Variants in NLRP12 observed in about 807,000 individuals in gnomAD.
NLRP12 encodes the protein NACHT, LRR and PYD domains-containing protein 12.
NLRP12 carries 108 observed loss-of-function variants against 91.2 expected under a neutral mutation model. That is an observed-to-expected ratio of 1.18 (90% CI 1.01 to 1.39). The LOEUF (loss-of-function observed/expected upper bound fraction) is 1.39, where lower values mean the gene tolerates loss of function less well. Ranked by LOEUF, NLRP12 falls within the 40% of genes most tolerant of loss-of-function variation. The pLI, the probability that NLRP12 is intolerant of heterozygous loss-of-function variation, is 0.00. For synonymous variants in NLRP12, 613 were observed against 566.7 expected (o/e 1.08, Z -1.16); for missense variants, 1,530 against 1,352.7 (o/e 1.13, Z -2.06).
At chr19:53,814,028 C>T (rs1465955835) in intron 2 of NLRP12, among the ~76,000 whole-genome samples, 5 of 152,020 alleles carry the variant, frequency 3.3e-5, no homozygotes, top group African/African-American at 4.8e-5. Context: ...ATTTCATGCT[C>T]CCCTTGAAAA....
rs1453971407 is a variant in NLRP12, at chr19:53,823,976, C to T, written c.199G>A (p.Glu67Lys). The change falls in exon 1 of 10, where the codon GAG (glutamate) becomes AAG (lysine). Residue 67 changes from glutamate (E) to lysine (K), a missense_variant. Glu to Lys is a moderately conservative substitution (Grantham distance 56). Coordinates refer to ENST00000324134, the MANE Select transcript of NLRP12 (RefSeq NM_144687.4). ...CTGAGAGCCAACCTCCAGGCCTCCT[C>T]TGGCCCGAAGTGGGTGATGAGCAGC... ...AQLLITHFGP[E>K]EAWRLALSTF... The T allele has an allele frequency of 1.2e-6, 2 of 1,614,236 alleles. No homozygotes were observed. The highest frequency in any genetic ancestry group is 8.5e-7 in the Non-Finnish European group (1 of 1,180,052).
At chr19:53,809,546 C>G in intron 3 of NLRP12, 41 bp downstream of exon 3, 1 of 1,030,172 alleles carries the variant, frequency 9.7e-7, no homozygotes. Context: ...AAAAAACACA[C>G]GAACCTAAGC....
chr19:53,798,307 C>G lies in NLRP12; in HGVS notation c.2863G>C (p.Asp955His). ...ELDLSFNDLG[D>H]WGLWLLAEGL... ...TCAGCCAGCAACCACAGGCCCCAGTCTCCCAGGTCGTTGAAACTCAAGTCC... is the reference window on the plus strand; with the variant it reads ...TCAGCCAGCAACCACAGGCCCCAGTGTCCCAGGTCGTTGAAACTCAAGTCC... The change falls in exon 8 of 10, where the codon GAC becomes CAC. Residue 955 changes from aspartate (D) to histidine (H), a missense_variant. By Grantham distance (81) the Asp-to-His change is moderately conservative. Transcript: ENST00000324134. The G allele has an allele frequency of 1.2e-6, 2 of 1,614,184 alleles. No individual in the cohort carries two copies. Among genetic ancestry groups the G allele is most frequent in the Non-Finnish European group, 1.7e-6 (2 of 1,180,048 alleles).
chr19:53,793,740 A>G (rs1047679346), downstream of NLRP12: 63 of 421,568 alleles, frequency 1.5e-4, 1 homozygote, highest in Non-Finnish European at 2.5e-4. Context: ...GCCCGCCACC[A>G]TGCCTGGCTA....
At chr19:53,814,842 C>T (rs2092132238) in intron 2 of NLRP12, 66 bp downstream of exon 2, 2 of 1,354,562 alleles carry the variant, frequency 1.5e-6, no homozygotes, top group Non-Finnish European at 2.1e-6. Context: ...TGTGGTTGGC[C>T]TACACTCCGT....
chr19:53,809,171 A>G (rs1282519800), intron 3 of NLRP12, among the ~76,000 whole-genome samples: 3 of 150,578 alleles, frequency 2.0e-5, no homozygotes, highest in Non-Finnish European at 4.4e-5. Flanking sequence ...GGCTGCAGTG[A>G]GCCAAGATTG....
Position 53,815,029 on chromosome 19 carries a change from G to A in NLRP12, c.290-41C>T, listed in dbSNP as rs765584104. On this transcript the variant is annotated intron_variant, in intron 1 of 9. Transcript: ENST00000324134. ...TGGAAGATGAGCTAGCACGCATCTG[G>A]CTAGTAGCACCGCGTCATATTAGCT... 6.9e-6 allele frequency: 10 copies of A among 1,442,132 alleles called. No homozygotes were observed. The East Asian group carries it at 1.4e-4, about 20-fold the overall frequency. The allele number at this position is 1,442,132 out of a possible 1,614,324, so 89.3% of individuals were successfully genotyped here.
At chr19:53,793,722 C>A, downstream of NLRP12, 4 of 347,268 alleles carry the variant, frequency 1.2e-5, no homozygotes, top group South Asian at 9.2e-5. Context: ...GTAGCTGGGA[C>A]TACAGGTGCC....
At chr19:53,819,572 C>T (rs1222308142) in intron 1 of NLRP12, among the ~76,000 whole-genome samples, 1 of 71,178 alleles carries the variant, frequency 1.4e-5, no homozygotes, top group South Asian at 4.8e-4. Flanking sequence ...TATATATATG[C>T]GTATATATGT....
intron 1 of NLRP12, among the ~76,000 whole-genome samples, chr19:53,818,609 G>T (rs779679426): frequency 6.6e-6 from 1 of 152,066 alleles, no homozygotes; most frequent in Non-Finnish European, 1.5e-5. Flanking sequence ...AGGTTGCAGT[G>T]AGCCGAGAAC....
chr19:53,795,099 G>GGTGTGTGTGTGT (rs1233389201), intron 9 of NLRP12, among the ~76,000 whole-genome samples: 7 of 133,398 alleles, frequency 5.2e-5, no homozygotes, highest in African/African-American at 1.9e-4. Flanking sequence ...CACCATACCT[G>GGTGTGTGTGTGT]GTGTGTGCGT....
At chr19:53,804,700 C>T (rs200578371) in intron 5 of NLRP12, among the ~76,000 whole-genome samples, 82 of 150,450 alleles carry the variant, frequency 5.5e-4, no homozygotes, top group Admixed American at 1.1e-3. Context: ...CGTGAACCAC[C>T]GCTCCTGGCC....
intron 2 of NLRP12, among the ~76,000 whole-genome samples, chr19:53,813,728 C>T (rs1599851293): frequency 6.6e-6 from 1 of 152,220 alleles, no homozygotes; most frequent in East Asian, 1.9e-4. Context: ...TCTCACTCCC[C>T]CCAGGCTGGA....
At chr19:53,797,289 G>A (rs761120628) in intron 8 of NLRP12, among the ~76,000 whole-genome samples, 2 of 151,862 alleles carry the variant, frequency 1.3e-5, no homozygotes, top group Non-Finnish European at 2.9e-5. Flanking sequence ...CCACCACCAC[G>A]CCAGGCTAAT....
At position 53,805,270 on chromosome 19, in the gene NLRP12, A is replaced by G. The variant is rs2091938820; in HGVS notation, c.2414+10T>C. On this transcript the variant is annotated intron_variant, in intron 5 of 9. Coordinates refer to ENST00000324134, the MANE Select transcript of NLRP12 (RefSeq NM_144687.4). Reference sequence around the variant, plus strand: ...AGCTTAAGAAGTTGCTCCCGGGGATAGAGACTCACTGAATCATCTGCAGCC... The same window carrying G: ...AGCTTAAGAAGTTGCTCCCGGGGATGGAGACTCACTGAATCATCTGCAGCC... 6.2e-7 allele frequency: 1 copy of G among 1,613,502 alleles called. No individual in the cohort carries two copies. Among genetic ancestry groups the G allele is most frequent in the Non-Finnish European group, 8.5e-7 (1 of 1,179,512 alleles).
chr19:53,816,889 A>G (rs1045874376), intron 1 of NLRP12, among the ~76,000 whole-genome samples: 3 of 151,808 alleles, frequency 2.0e-5, no homozygotes, highest in Non-Finnish European at 4.4e-5. Flanking sequence ...AGGAAAGGGG[A>G]AAATAGGGAA....
intron 2 of NLRP12, among the ~76,000 whole-genome samples, chr19:53,811,566 T>TA (rs1188617413): frequency 6.6e-6 from 1 of 151,880 alleles, no homozygotes. Context: ...GACTAGGTTA[T>TA]AAGACTGGCT....
chr19:53,814,767 A>G, intron 2 of NLRP12, 141 bp downstream of exon 2: 1 of 742,240 alleles, frequency 1.3e-6, no homozygotes, highest in Non-Finnish European at 2.5e-6. Flanking sequence ...GAGTTGAAAC[A>G]CAGGAGGAAA....
intron 8 of NLRP12, 94 bp downstream of exon 8, chr19:53,798,149 G>C: frequency 7.6e-7 from 1 of 1,310,622 alleles, no homozygotes; most frequent in Non-Finnish European, 1.1e-6. Context: ...TTGTAGTGAA[G>C]CAGGATAGTT....
Sources: gnomAD v4.1 joint callset for allele counts (sites outside exome capture counted in the v4.1 genomes callset) on GRCh38, gnomAD v4.1.1 for gene constraint, MANE v1.5 for transcripts, NCBI Gene and HGNC (gene_info 2026-07-23, HGNC 2026-07-21) for gene names.